Variants in COX10 observed in about 807,000 individuals in gnomAD.
COX10 encodes the protein cytochrome c oxidase assembly factor heme A:farnesyltransferase COX10.
In COX10, 27 loss-of-function variants were observed where a neutral mutation model predicts 37.3. The ratio of observed to expected loss-of-function variants is 0.72; its 90% confidence interval spans 0.53 to 1.00. The LOEUF (loss-of-function observed/expected upper bound fraction) is 1.00, where lower values mean the gene tolerates loss of function less well. Ranked by LOEUF, COX10 falls within the 50% of genes least tolerant of loss-of-function variation. The probability of loss-of-function intolerance (pLI) is 0.00; values close to 1 mark genes in which losing one functional copy is unlikely to be tolerated. For synonymous variants in COX10, 222 were observed against 229.1 expected (o/e 0.97, Z 0.28); for missense variants, 475 against 563.2 (o/e 0.84, Z 1.59).
At position 14,207,537 on chromosome 17, in the gene COX10, G is replaced by A; in HGVS notation, c.*324G>A. On this transcript the variant is annotated 3_prime_UTR_variant, in exon 7 of 7. Transcript: ENST00000261643. Reference sequence around the variant, plus strand: ...GTACACATACACAGCTTCCTCTTTTGGTTCCATCCTTACCACCACACCACA... The same window carrying A: ...GTACACATACACAGCTTCCTCTTTTAGTTCCATCCTTACCACCACACCACA... The A allele has an allele frequency of 3.7e-6, 1 of 270,514 alleles. No individual in the cohort carries two copies. The highest frequency in any genetic ancestry group is 7.0e-6 in the Non-Finnish European group (1 of 141,962). The allele number at this position is 270,514 out of a possible 1,614,324, so 16.8% of individuals were successfully genotyped here.
chr17:14,069,547 G>A lies in COX10; in HGVS notation c.-59G>A. The A allele has an allele frequency of 1.2e-6, 2 of 1,603,866 alleles. No individual in the cohort carries two copies. Among genetic ancestry groups the A allele is most frequent in the South Asian group, 2.2e-5 (2 of 90,384 alleles). On this transcript the variant is annotated 5_prime_UTR_variant, in exon 1 of 7. Transcript: ENST00000261643. ...CGGGGAAGGAAGATGGCGGCGCCCA[G>A]CGTCCCGTGAGGAGAGAGGACACAG...
chr17:14,155,491 G>A (rs1905018591), intron 4 of COX10, among the ~76,000 whole-genome samples: 1 of 152,016 alleles, frequency 6.6e-6, no homozygotes, highest in South Asian at 2.1e-4. Context: ...CGAGTCAGAT[G>A]GATCACAAGA....
At chr17:14,173,385 CG>C (rs1905544750) in intron 5 of COX10, among the ~76,000 whole-genome samples, 1 of 152,098 alleles carries the variant, frequency 6.6e-6, no homozygotes, top group Admixed American at 6.6e-5. Context: ...GGAGAATGAG[CG>C]AAGAGACAAA....
intron 4 of COX10, among the ~76,000 whole-genome samples, chr17:14,126,036 C>G (rs908891317): frequency 3.3e-5 from 5 of 152,080 alleles, no homozygotes; most frequent in Non-Finnish European, 5.9e-5. Context: ...AATTCAGTGT[C>G]AATTAGAAAA....
At chr17:14,136,544 C>T (rs546435011) in intron 4 of COX10, among the ~76,000 whole-genome samples, 115 of 152,134 alleles carry the variant, frequency 7.6e-4, no homozygotes, top group Middle Eastern at 3.4e-3. Context: ...CCATAAAGCA[C>T]GGCTGAGACT....
chr17:14,195,351 C>A (rs555576782), intron 6 of COX10, among the ~76,000 whole-genome samples: 9 of 152,216 alleles, frequency 5.9e-5, no homozygotes, highest in Admixed American at 5.9e-4. Flanking sequence ...GCTAAGTCAT[C>A]TTCTAGAGCT....
intron 5 of COX10, among the ~76,000 whole-genome samples, chr17:14,189,523 G>A (rs1256129027): frequency 3.3e-5 from 5 of 152,268 alleles, no homozygotes; most frequent in South Asian, 2.1e-4. Flanking sequence ...TTTGATATTT[G>A]TTCTTGCTTC....
At chr17:14,103,494 C>G (rs1455160408) in intron 4 of COX10, among the ~76,000 whole-genome samples, 2 of 151,964 alleles carry the variant, frequency 1.3e-5, no homozygotes, top group African/African-American at 2.4e-5. Context: ...TACTAATTAT[C>G]TTAAGGATTT....
At chr17:14,148,838 G>C (rs563985851) in intron 4 of COX10, among the ~76,000 whole-genome samples, 1 of 151,314 alleles carries the variant, frequency 6.6e-6, no homozygotes, top group African/African-American at 2.4e-5. Flanking sequence ...TATATTGTCT[G>C]TTAGGAAGAT....
chr17:14,085,323 G>T (rs1276463505), intron 3 of COX10, among the ~76,000 whole-genome samples: 1 of 152,106 alleles, frequency 6.6e-6, no homozygotes, highest in East Asian at 1.9e-4. Flanking sequence ...GTTTTGTTTA[G>T]TTATTTGCTT....
chr17:14,080,643 A>G (rs1344850746), intron 3 of COX10, among the ~76,000 whole-genome samples: 1 of 152,192 alleles, frequency 6.6e-6, no homozygotes, highest in African/African-American at 2.4e-5. Context: ...AAGGTTTAGC[A>G]TCTTTTTTCT....
At chr17:14,203,685 C>T (rs1199177001) in intron 6 of COX10, among the ~76,000 whole-genome samples, 1 of 152,158 alleles carries the variant, frequency 6.6e-6, no homozygotes, top group Admixed American at 6.5e-5. Context: ...AAACTGGGGC[C>T]CCTCAGTGGC....
chr17:14,147,817 CT>C (rs34115823), intron 4 of COX10, among the ~76,000 whole-genome samples: 86,835 of 151,248 alleles, frequency 0.57, 25,809 homozygotes, highest in Non-Finnish European at 0.62. Context: ...AACACAGGGT[CT>C]TTATAGACAG....
At chr17:14,143,565 T>C (rs370388373) in intron 4 of COX10, among the ~76,000 whole-genome samples, 1 of 152,092 alleles carries the variant, frequency 6.6e-6, no homozygotes, top group Non-Finnish European at 1.5e-5. Context: ...GTCGCTTTGC[T>C]TAGGTAATAT....
At chr17:14,176,213 G>A (rs889858474) in intron 5 of COX10, among the ~76,000 whole-genome samples, 3 of 151,630 alleles carry the variant, frequency 2.0e-5, no homozygotes, top group Non-Finnish European at 4.4e-5. Flanking sequence ...AAATGTTCCC[G>A]TCTCTATTGC....
At chr17:14,108,335 GAT>G (rs1915942298) in intron 4 of COX10, among the ~76,000 whole-genome samples, 1 of 152,144 alleles carries the variant, frequency 6.6e-6, no homozygotes, top group Non-Finnish European at 1.5e-5. Context: ...TCAAAAAAAA[GAT>G]AGTTCTTTTG....
chr17:14,153,782 C>CT (rs1403035353), intron 4 of COX10, among the ~76,000 whole-genome samples: 1 of 152,198 alleles, frequency 6.6e-6, no homozygotes, highest in Non-Finnish European at 1.5e-5. Context: ...CATACAAAGA[C>CT]TTGCACACAG....
At chr17:14,115,965 T>C (rs1006368506) in intron 4 of COX10, among the ~76,000 whole-genome samples, 2 of 152,172 alleles carry the variant, frequency 1.3e-5, no homozygotes, top group Non-Finnish European at 2.9e-5. Flanking sequence ...ACTTCACCAC[T>C]GTGCAATCTA....
At chr17:14,196,559 C>G (rs1324706027) in intron 6 of COX10, among the ~76,000 whole-genome samples, 4 of 152,284 alleles carry the variant, frequency 2.6e-5, no homozygotes, top group Middle Eastern at 3.4e-3. Context: ...ATAGTTCATT[C>G]AGTGGTGAGA....
Sources: allele counts gnomAD v4.1 joint callset (sites outside exome capture counted in the v4.1 genomes callset), GRCh38; gene constraint gnomAD v4.1.1; transcripts MANE v1.5; gene names NCBI Gene and HGNC (gene_info 2026-07-23, HGNC 2026-07-21).